The following ERC1 variants were observed in gnomAD, a reference collection of about 807,000 sequenced individuals.
ERC1 encodes RAB6 interacting protein 2.
ERC1 carries 56 observed loss-of-function variants against 132.0 expected under a neutral mutation model. The ratio of observed to expected loss-of-function variants is 0.42; its 90% CI spans 0.34 to 0.53. The LOEUF (loss-of-function observed/expected upper bound fraction) is 0.53, where lower values mean the gene tolerates loss of function less well. ERC1 is among the 20% of genes least tolerant of loss of function. The pLI is 0.03. For synonymous variants in ERC1, 478 were observed against 476.1 expected, an observed-to-expected ratio of 1.00 and a Z score of -0.05; for missense variants, 1,202 against 1,349.9, an observed-to-expected ratio of 0.89 and a Z score of 1.72.
At chr12:1,275,806 A>G (rs2078223317) in intron 14 of ERC1, among the ~76,000 whole-genome samples, 1 of 152,168 alleles carries the variant, frequency 6.6e-6, no homozygotes, top group Admixed American at 6.5e-5. Context: ...CTGTACAAGG[A>G]GCATGATGCC....
At chr12:1,112,392 T>C (rs1381967027) in intron 6 of ERC1, 94 bp downstream of exon 6, 7 of 858,964 alleles carry the variant, frequency 8.1e-6, no homozygotes, top group Admixed American at 2.1e-5. Flanking sequence ...CCTTTCATTC[T>C]CTATGGTTGG....
chr12:1,008,944 G>A (rs1964199694), intron 1 of ERC1, among the ~76,000 whole-genome samples: 1 of 152,064 alleles, frequency 6.6e-6, no homozygotes, highest in African/African-American at 2.4e-5. Flanking sequence ...ACACAGCTCT[G>A]GAATAACTGC....
chr12:1,038,932 G>A (rs551991244), intron 2 of ERC1, among the ~76,000 whole-genome samples: 35 of 152,240 alleles, frequency 2.3e-4, no homozygotes, highest in Admixed American at 9.8e-4. Flanking sequence ...GGCAGGGAAC[G>A]ATGGCTCGTG....
At chr12:1,040,318 TTTTTTC>T (rs1969972931) in intron 2 of ERC1, among the ~76,000 whole-genome samples, 2 of 150,094 alleles carry the variant, frequency 1.3e-5, no homozygotes, top group Non-Finnish European at 3.0e-5. Flanking sequence ...TCTTTTTTTC[TTTTTTC>T]TTTTTTTTTT....
At chr12:1,134,919 G>A (rs1949110464) in intron 7 of ERC1, among the ~76,000 whole-genome samples, 1 of 152,050 alleles carries the variant, frequency 6.6e-6, no homozygotes, top group Non-Finnish European at 1.5e-5. Flanking sequence ...GTAGAGACAA[G>A]GTTTCTCCCT....
chr12:1,407,420 C>T lies in ERC1; in HGVS notation c.2926-729C>T, dbSNP rs977654594. Among the ~76,000 whole-genome samples, 8 of 152,062 alleles carry T rather than the reference C, an allele frequency of 5.3e-5. No individual in the cohort carries two copies. In the South Asian group the frequency reaches 8.3e-4, roughly 16 times the overall value. On this transcript the variant is annotated intron_variant, in intron 16 of 18. Transcript: ENST00000360905. ...AAAATTTTAAAATTAAGCATGGTGG[C>T]GTGCACCTGTAGTCCCAGCTGCTCG... is the stretch of plus-strand genomic sequence containing the variant.
At chr12:1,431,305 A>T (rs1565424643) in intron 17 of ERC1, among the ~76,000 whole-genome samples, 3 of 152,172 alleles carry the variant, frequency 2.0e-5, no homozygotes, top group African/African-American at 7.2e-5. Context: ...TGAGTACAGG[A>T]TGCTGTTTTG....
At chr12:1,342,068 ATATAC>A (rs1202406551) in intron 15 of ERC1, among the ~76,000 whole-genome samples, 4 of 152,194 alleles carry the variant, frequency 2.6e-5, no homozygotes, top group African/African-American at 7.2e-5. Flanking sequence ...TATATTAATA[ATATAC>A]TATAATAATA....
At chr12:1,224,350 C>A (rs1188294326) in intron 12 of ERC1, among the ~76,000 whole-genome samples, 1 of 152,148 alleles carries the variant, frequency 6.6e-6, no homozygotes, top group African/African-American at 2.4e-5. Flanking sequence ...CTATACTTTT[C>A]TTGGTTGCCT....
At chr12:1,118,086 T>TA (rs1436960237) in intron 7 of ERC1, among the ~76,000 whole-genome samples, 2 of 152,360 alleles carry the variant, frequency 1.3e-5, no homozygotes, top group Non-Finnish European at 2.9e-5. Context: ...TTACACTCTT[T>TA]AAGTTATTTT....
At chr12:1,034,550 C>CGT (rs1011548059) in intron 2 of ERC1, among the ~76,000 whole-genome samples, 13 of 151,992 alleles carry the variant, frequency 8.6e-5, no homozygotes, top group African/African-American at 2.9e-4. Context: ...TCAGATTATA[C>CGT]GTGTGTGTGT....
At chr12:1,370,700 GT>G (rs141015599) in intron 15 of ERC1, among the ~76,000 whole-genome samples, 3,738 of 152,020 alleles carry the variant, frequency 0.025, 166 homozygotes, top group African/African-American at 0.087. Flanking sequence ...TACTAATATA[GT>G]TTTTTTTAAA....
At chr12:1,486,473 G>C (rs2094217838) in intron 18 of ERC1, among the ~76,000 whole-genome samples, 1 of 151,676 alleles carries the variant, frequency 6.6e-6, no homozygotes, top group African/African-American at 2.4e-5. Context: ...CACCCAGGCT[G>C]GAGTACAGTG....
intron 18 of ERC1, among the ~76,000 whole-genome samples, chr12:1,452,313 T>C (rs1371019484): frequency 6.6e-6 from 1 of 152,172 alleles, no homozygotes; most frequent in Non-Finnish European, 1.5e-5. Flanking sequence ...AGTGGGTTGG[T>C]TGGTTGGTTG....
intron 2 of ERC1, among the ~76,000 whole-genome samples, chr12:1,074,012 G>A (rs895049415): frequency 5.4e-5 from 8 of 148,592 alleles, no homozygotes; most frequent in African/African-American, 1.5e-4. Flanking sequence ...TTACAGGCAC[G>A]CACCACTACA....
At chr12:1,119,260 T>A (rs1027311132) in intron 7 of ERC1, among the ~76,000 whole-genome samples, 10 of 82,726 alleles carry the variant, frequency 1.2e-4, no homozygotes, top group Admixed American at 9.4e-4. Context: ...TTTGTTTTGT[T>A]TTTTTTGTTT....
intron 1 of ERC1, among the ~76,000 whole-genome samples, chr12:1,023,378 A>G (rs928531071): frequency 6.6e-6 from 1 of 152,090 alleles, no homozygotes; most frequent in African/African-American, 2.4e-5. Context: ...TCATGTGAAT[A>G]GATGTTGTCC....
intron 15 of ERC1, among the ~76,000 whole-genome samples, chr12:1,325,679 C>T (rs757160863): frequency 6.6e-6 from 1 of 151,932 alleles, no homozygotes; most frequent in East Asian, 1.9e-4. Context: ...TAGAATTGAC[C>T]ATGCCATTTA....
intron 15 of ERC1, among the ~76,000 whole-genome samples, chr12:1,350,151 G>GATA (rs1247090663): frequency 6.6e-6 from 1 of 152,176 alleles, no homozygotes; most frequent in Non-Finnish European, 1.5e-5. Context: ...AAACAATGGA[G>GATA]ATAAGAGGAT....
Sources: allele counts gnomAD v4.1 joint callset (sites outside exome capture counted in the v4.1 genomes callset), GRCh38; gene constraint gnomAD v4.1.1; transcripts MANE v1.5; gene names NCBI Gene and HGNC (gene_info 2026-07-23, HGNC 2026-07-21).